The following GRIK1 variants were observed in gnomAD, a reference collection of about 807,000 sequenced individuals.
GRIK1 encodes glutamate receptor ionotropic, kainate 1.
In GRIK1, 69 loss-of-function variants were observed where a neutral mutation model predicts 105.7. That is an observed-to-expected ratio of 0.65 (90% CI 0.54 to 0.80). The LOEUF (loss-of-function observed/expected upper bound fraction) is 0.80, where lower values mean the gene tolerates loss of function less well. Among genes scored for constraint, GRIK1 ranks in the 30% least tolerant of loss-of-function variants. GRIK1 has a pLI of 0.00. For missense variants in GRIK1, 1,109 were observed against 1,167.3 expected, an observed-to-expected ratio of 0.95 and a Z score of 0.73; for synonymous variants, 438 against 431.3, an observed-to-expected ratio of 1.02 and a Z score of -0.19.
At chr21:29,841,988 T>A (rs1178050142) in intron 1 of GRIK1, among the ~76,000 whole-genome samples, 1 of 152,196 alleles carries the variant, frequency 6.6e-6, no homozygotes, top group East Asian at 1.9e-4. Context: ...TCTTGTATGA[T>A]CAAATGTTTA....
chr21:29,684,283 T>TATC (rs990659454), intron 3 of GRIK1, among the ~76,000 whole-genome samples: 2 of 151,978 alleles, frequency 1.3e-5, no homozygotes, highest in African/African-American at 2.4e-5. Flanking sequence ...TCTATCTATC[T>TATC]ATCTATCTAT....
intron 1 of GRIK1, among the ~76,000 whole-genome samples, chr21:29,695,466 ATCTATCTATC>A (rs1197369068): frequency 3.8e-4 from 55 of 146,384 alleles, no homozygotes; most frequent in South Asian, 2.8e-3. Flanking sequence ...CTATCTATCT[ATCTATCTATC>A]TATATATATA....
At chr21:29,875,484 G>C (rs2069160046) in intron 1 of GRIK1, among the ~76,000 whole-genome samples, 1 of 152,060 alleles carries the variant, frequency 6.6e-6, no homozygotes, top group South Asian at 2.1e-4. Flanking sequence ...TTTGCACTCA[G>C]CTGCAACAGC....
At position 29,803,906 on chromosome 21, in the gene GRIK1, C is replaced by A. The variant is rs769726237; in HGVS notation, c.119-109843G>T. On this transcript the variant is annotated intron_variant, in intron 1 of 17. Coordinates refer to ENST00000327783, the MANE Select transcript of GRIK1 (RefSeq NM_001330994.2). ...TCTTGGAATTATTTCTAGTTGGGGTCTGTAAGGAAGAGATCCTTTTCTCTT... is the reference window on the plus strand; with the variant it reads ...TCTTGGAATTATTTCTAGTTGGGGTATGTAAGGAAGAGATCCTTTTCTCTT... Among the ~76,000 whole-genome samples the A allele has an allele frequency of 7.6e-4, 116 of 152,000 alleles. No individual in the cohort carries two copies. In the Middle Eastern group the frequency reaches 0.014, roughly 18 times the overall value.
At chr21:29,564,112 T>A (rs183110237) in intron 14 of GRIK1, among the ~76,000 whole-genome samples, 1 of 152,174 alleles carries the variant, frequency 6.6e-6, no homozygotes, top group African/African-American at 2.4e-5. Context: ...CATAGAAAAA[T>A]TTTATGAAAC....
At chr21:29,726,118 G>A (rs2064451404) in intron 1 of GRIK1, among the ~76,000 whole-genome samples, 1 of 152,172 alleles carries the variant, frequency 6.6e-6, no homozygotes, top group African/African-American at 2.4e-5. Flanking sequence ...AAGAGGAAAT[G>A]CCTGTTTTGA....
chr21:29,743,564 A>G (rs1259719679), intron 1 of GRIK1, among the ~76,000 whole-genome samples: 1 of 152,014 alleles, frequency 6.6e-6, no homozygotes, highest in Admixed American at 6.6e-5. Flanking sequence ...GCGTGGTAGC[A>G]TGCACCTGTA....
rs56255200 is a variant in GRIK1, at chr21:29,569,714, A to G, written c.2130+7250T>C. Among the ~76,000 whole-genome samples, 426 of 152,120 alleles carry G rather than the reference A, an allele frequency of 2.8e-3. 1 individual carries two copies. The highest frequency in any genetic ancestry group is 9.0e-3 in the African/African-American group (372 of 41,506). On this transcript the variant is annotated intron_variant, in intron 14 of 17. Coordinates refer to ENST00000327783, the MANE Select transcript of GRIK1 (RefSeq NM_001330994.2). ...ATGACTATTCTTTCTTCATCTGGGG[A>G]AAAAAAATGTGACTTTCTACACTAT...
chr21:29,830,313 ACACACACACACAC>A (rs2067592342), intron 1 of GRIK1, among the ~76,000 whole-genome samples: 4 of 114,692 alleles, frequency 3.5e-5, no homozygotes, highest in East Asian at 4.4e-4. Context: ...CTCCCCACAC[ACACACACACACAC>A]ACACACACAC....
chr21:29,749,634 T>C (rs2145638144), intron 1 of GRIK1, among the ~76,000 whole-genome samples: 1 of 152,358 alleles, frequency 6.6e-6, no homozygotes. Flanking sequence ...GCAGACACTT[T>C]AATGTGAATT....
intron 7 of GRIK1, among the ~76,000 whole-genome samples, chr21:29,628,731 A>G (rs565500294): frequency 6.6e-6 from 1 of 152,312 alleles, no homozygotes; most frequent in Admixed American, 6.5e-5. Flanking sequence ...GCTCTTGTCT[A>G]ATTAGCTAGA....
intron 1 of GRIK1, among the ~76,000 whole-genome samples, chr21:29,819,437 C>T (rs1393610904): frequency 3.3e-5 from 5 of 151,906 alleles, no homozygotes; most frequent in Admixed American, 6.6e-5. Flanking sequence ...AGGACAAATT[C>T]TAGGGCTACC....
chr21:29,739,719 C>T (rs984329218), intron 1 of GRIK1, among the ~76,000 whole-genome samples: 2 of 152,134 alleles, frequency 1.3e-5, no homozygotes, highest in African/African-American at 4.8e-5. Context: ...TATATAATTT[C>T]CAACATCCTC....
Position 29,939,416 on chromosome 21 carries a change from G to C in GRIK1, c.85C>G (p.Leu29Val), listed in dbSNP as rs1473371405. Residue 29 changes from leucine (L) to valine (V), a missense_variant, in exon 1 of 18, where the codon CTC becomes GTC. Coordinates refer to ENST00000327783, the MANE Select transcript of GRIK1 (RefSeq NM_001330994.2). ...WALLYFLCYI[L>V]PQTAPQVLRI... ...AGTACTTGCGGGGCGGTCTGAGGGAGGATATAGCAGAGGAAATAGAGGAGT... is the reference window on the plus strand; with the variant it reads ...AGTACTTGCGGGGCGGTCTGAGGGACGATATAGCAGAGGAAATAGAGGAGT... 1 of 1,573,288 alleles carries C rather than the reference G, an allele frequency of 6.4e-7. No individual in the cohort carries two copies. The highest frequency in any genetic ancestry group is 2.4e-5 in the East Asian group (1 of 42,254).
chr21:29,788,974 G>C (rs1418257384), intron 1 of GRIK1, among the ~76,000 whole-genome samples: 1 of 152,208 alleles, frequency 6.6e-6, no homozygotes, highest in African/African-American at 2.4e-5. Context: ...GTGTGGCCCA[G>C]TTCCTAACAG....
At chr21:29,663,565 T>G (rs2063007061) in intron 4 of GRIK1, among the ~76,000 whole-genome samples, 1 of 152,242 alleles carries the variant, frequency 6.6e-6, no homozygotes, top group African/African-American at 2.4e-5. Flanking sequence ...TTTGAATCCC[T>G]TTAGGTCACA....
chr21:29,740,793 A>G (rs768068712), intron 1 of GRIK1, among the ~76,000 whole-genome samples: 8 of 152,220 alleles, frequency 5.3e-5, no homozygotes, highest in Non-Finnish European at 8.8e-5. Flanking sequence ...ATGGTTACCA[A>G]TCACAGGGGA....
Position 29,734,345 on chromosome 21 carries a change from ACTTTT to A in GRIK1, c.119-40287_119-40283del, listed in dbSNP as rs541782706. ...TTTAATGGATATACTGGATCATAGCACTTTTCTTTTCTTTTCTTTTCTTTTCTTTT... is the reference window on the plus strand; with the variant it reads ...TTTAATGGATATACTGGATCATAGCACTTTTCTTTTCTTTTCTTTTCTTTT... On this transcript the variant is annotated intron_variant, in intron 1 of 17. Coordinates refer to ENST00000327783, the MANE Select transcript of GRIK1 (RefSeq NM_001330994.2). Among the ~76,000 whole-genome samples the A allele has an allele frequency of 6.1e-3, 821 of 135,220 alleles. 11 individuals carry two copies. The highest frequency in any genetic ancestry group is 0.026 in the African/African-American group (786 of 30,452). 88.7% of individuals were successfully genotyped at this position (135,220 alleles called of 152,430 possible).
At chr21:29,719,677 A>C (rs2064273494) in intron 1 of GRIK1, among the ~76,000 whole-genome samples, 1 of 152,072 alleles carries the variant, frequency 6.6e-6, no homozygotes, top group South Asian at 2.1e-4. Flanking sequence ...GCATGTCTCT[A>C]TCCTCTTTGA....
Sources: allele counts gnomAD v4.1 joint callset (sites outside exome capture counted in the v4.1 genomes callset), GRCh38; gene constraint gnomAD v4.1.1; transcripts MANE v1.5; gene names NCBI Gene and HGNC (gene_info 2026-07-23, HGNC 2026-07-21).